Variants in PTPRD observed in about 807,000 individuals in gnomAD.
PTPRD encodes the protein protein tyrosine phosphatase receptor type D, also known as receptor-type tyrosine-protein phosphatase delta.
PTPRD carries 34 observed loss-of-function variants against 214.5 expected under a neutral mutation model. That is an observed-to-expected ratio of 0.16 (90% CI 0.12 to 0.21). The LOEUF (loss-of-function observed/expected upper bound fraction) is 0.21, where lower values mean the gene tolerates loss of function less well. Ranked by LOEUF, PTPRD falls within the 10% of genes least tolerant of loss-of-function variation. The pLI is 1.00. For missense variants in PTPRD, 2,545 were observed against 2,398.7 expected (o/e 1.06, Z -1.27); for synonymous variants, 1,128 against 845.7 (o/e 1.33, Z -5.79).
chr9:9,572,395 G>A (rs1305573629), intron 8 of PTPRD, among the ~76,000 whole-genome samples: 1 of 151,194 alleles, frequency 6.6e-6, no homozygotes, highest in African/African-American at 2.4e-5. Context: ...ATTACTTCAT[G>A]AGGAAAAACA....
At chr9:8,500,724 G>T (rs2136941659) in intron 24 of PTPRD, 30 bp downstream of exon 24, 8 of 1,607,950 alleles carry the variant, frequency 5.0e-6, no homozygotes, top group Non-Finnish European at 6.8e-6. Context: ...TGTCAGAAGG[G>T]TGCAAACTGA....
At chr9:8,771,535 G>C (rs1416795311) in intron 11 of PTPRD, among the ~76,000 whole-genome samples, 1 of 152,134 alleles carries the variant, frequency 6.6e-6, no homozygotes, top group East Asian at 1.9e-4. Context: ...TAAGTATTCA[G>C]TAAAACCCAA....
chr9:8,530,891 T>C (rs1414174539), intron 14 of PTPRD, among the ~76,000 whole-genome samples: 1 of 152,076 alleles, frequency 6.6e-6, no homozygotes, highest in Admixed American at 6.6e-5. Flanking sequence ...ACTCTGGCTC[T>C]CCCGCTGGGC....
intron 9 of PTPRD, among the ~76,000 whole-genome samples, chr9:9,294,886 G>C (rs965692829): frequency 6.6e-6 from 1 of 151,640 alleles, no homozygotes; most frequent in African/African-American, 2.4e-5. Flanking sequence ...AAATAAGGTG[G>C]TCATGAATCT....
chr9:9,179,838 T>A (rs2099927124), intron 10 of PTPRD, among the ~76,000 whole-genome samples: 1 of 152,098 alleles, frequency 6.6e-6, no homozygotes, highest in African/African-American at 2.4e-5. Flanking sequence ...GATATTTCAT[T>A]TCTCTAGTTC....
chr9:8,818,579 A>G (rs1360707187), intron 11 of PTPRD, among the ~76,000 whole-genome samples: 1 of 152,218 alleles, frequency 6.6e-6, no homozygotes, highest in Non-Finnish European at 1.5e-5. Context: ...CAGAAAGGTT[A>G]AGCAATCTGG....
At chr9:9,788,271 G>C (rs1305668211) in intron 5 of PTPRD, among the ~76,000 whole-genome samples, 1 of 151,532 alleles carries the variant, frequency 6.6e-6, no homozygotes, top group East Asian at 2.0e-4. Context: ...TAGCTCTCTG[G>C]CCGGGCGCGG....
At chr9:9,240,970 A>G (rs1292576849) in intron 9 of PTPRD, among the ~76,000 whole-genome samples, 1 of 152,138 alleles carries the variant, frequency 6.6e-6, no homozygotes, top group Non-Finnish European at 1.5e-5. Context: ...TAGAAAGGAT[A>G]GAAAGAACTC....
intron 3 of PTPRD, among the ~76,000 whole-genome samples, chr9:10,115,642 A>T (rs2098724646): frequency 8.8e-6 from 1 of 113,226 alleles, no homozygotes; most frequent in African/African-American, 2.8e-5. Context: ...AAACTTTACA[A>T]GTTTTTTTTT....
chr9:10,318,719 C>T (rs1177033850), intron 3 of PTPRD, among the ~76,000 whole-genome samples: 1 of 152,036 alleles, frequency 6.6e-6, no homozygotes, highest in Non-Finnish European at 1.5e-5. Flanking sequence ...TCAGGTGATC[C>T]TCCCACTTAA....
intron 3 of PTPRD, among the ~76,000 whole-genome samples, chr9:10,102,305 A>T (rs553877490): frequency 4.6e-5 from 7 of 151,478 alleles, no homozygotes; most frequent in Non-Finnish European, 7.4e-5. Context: ...TGCCTGGGGT[A>T]TTGAATTTGA....
At chr9:10,565,154 A>G (rs2065211186) in intron 2 of PTPRD, among the ~76,000 whole-genome samples, 1 of 152,172 alleles carries the variant, frequency 6.6e-6, no homozygotes, top group Non-Finnish European at 1.5e-5. Context: ...ACAGGAATAT[A>G]TATATATAAA....
intron 8 of PTPRD, among the ~76,000 whole-genome samples, chr9:9,401,666 C>A (rs574205565): frequency 6.6e-6 from 1 of 151,430 alleles, no homozygotes; most frequent in Admixed American, 6.6e-5. Flanking sequence ...GGTTTTTCTA[C>A]GTACCCACCG....
At chr9:10,121,348 A>G (rs1412134295) in intron 3 of PTPRD, among the ~76,000 whole-genome samples, 1 of 152,184 alleles carries the variant, frequency 6.6e-6, no homozygotes, top group Non-Finnish European at 1.5e-5. Context: ...ATTTGGAAGC[A>G]GATTTATTTC....
At chr9:8,507,576 C>G in intron 21 of PTPRD, 142 bp from the exon 22 acceptor site, 1 of 943,170 alleles carries the variant, frequency 1.1e-6, no homozygotes, top group South Asian at 1.6e-5. Flanking sequence ...TTACCTTGTC[C>G]AAGTTAACCT....
chr9:9,752,564 A>T (rs1449826636), intron 6 of PTPRD, among the ~76,000 whole-genome samples: 1 of 151,998 alleles, frequency 6.6e-6, no homozygotes, highest in African/African-American at 2.4e-5. Flanking sequence ...TTTTTAAATT[A>T]TCAGAACTCC....
intron 9 of PTPRD, among the ~76,000 whole-genome samples, chr9:9,333,239 G>A (rs544761162): frequency 2.0e-5 from 3 of 151,668 alleles, no homozygotes; most frequent in Admixed American, 6.6e-5. Context: ...CTTTGTAGGT[G>A]ACATAGAATA....
intron 11 of PTPRD, among the ~76,000 whole-genome samples, chr9:8,935,602 C>G (rs186898982): frequency 8.5e-5 from 13 of 152,276 alleles, no homozygotes; most frequent in Admixed American, 7.2e-4. Context: ...GCTTCATTCA[C>G]ATAACTAGTT....
At position 8,315,325 on chromosome 9, in the gene PTPRD, A is replaced by C; in HGVS notation, c.*2549T>G. ...ATTATTGTCATCTTTCCCTTTGCCA[A>C]ATGGGCAGTTATTGTTTCAGGGAGA... On this transcript the variant is annotated 3_prime_UTR_variant, in exon 46 of 46. Transcript: ENST00000381196. 1 of 232,548 alleles carries C rather than the reference A, an allele frequency of 4.3e-6. No homozygotes were observed. The highest frequency in any genetic ancestry group is 8.5e-6 in the Non-Finnish European group (1 of 117,372). 14.4% of individuals were successfully genotyped at this position (232,548 alleles called of 1,614,324 possible).
Sources: allele counts gnomAD v4.1 joint callset (sites outside exome capture counted in the v4.1 genomes callset), GRCh38; gene constraint gnomAD v4.1.1; transcripts MANE v1.5; gene names NCBI Gene and HGNC (gene_info 2026-07-23, HGNC 2026-07-21).